UTS2: variants seen among roughly 807,000 people sequenced by gnomAD.
The protein encoded by UTS2 is urotensin 2.
A neutral mutation model predicts 12.6 loss-of-function variants in UTS2; 10 were observed. The ratio of observed to expected loss-of-function variants is 0.80; its 90% CI spans 0.49 to 1.35. The LOEUF (loss-of-function observed/expected upper bound fraction) is 1.35, where lower values mean the gene tolerates loss of function less well. UTS2 is among the 40% of genes most tolerant of loss of function. UTS2 has a pLI of 0.00. For missense variants in UTS2, 142 were observed against 143.2 expected, an observed-to-expected ratio of 0.99 and a Z score of 0.04; for synonymous variants, 52 against 50.0, an observed-to-expected ratio of 1.04 and a Z score of -0.17.
the UTS2 span, among the ~76,000 whole-genome samples, chr1:7,869,202 G>C: frequency 3.3e-5 from 5 of 152,186 alleles, no homozygotes; most frequent in Non-Finnish European, 1.5e-5. Flanking sequence ...ACCTTGATGG[G>C]CCTGCAATGG....
chr1:7,855,181 T>C (rs968208723), upstream of UTS2, among the ~76,000 whole-genome samples: 1 of 151,896 alleles, frequency 6.6e-6, no homozygotes, highest in Non-Finnish European at 1.5e-5. Context: ...AAACAAGTCA[T>C]GATGTATACC....
At chr1:7,851,536 C>T (rs1164684865) in intron 1 of UTS2, among the ~76,000 whole-genome samples, 2 of 152,088 alleles carry the variant, frequency 1.3e-5, no homozygotes, top group African/African-American at 2.4e-5. Context: ...GGAAAGGGCA[C>T]ACCGGAGTGT....
chr1:7,907,434 A>T, the UTS2 span, among the ~76,000 whole-genome samples: 2 of 151,782 alleles, frequency 1.3e-5, no homozygotes, highest in Non-Finnish European at 2.9e-5. Context: ...ATTTCTGAAC[A>T]CAAGGAGTTT....
At chr1:7,854,854 CAATAAT>C (rs140765929), upstream of UTS2, among the ~76,000 whole-genome samples, 342 of 151,514 alleles carry the variant, frequency 2.3e-3, 1 homozygote, top group African/African-American at 7.3e-3. Context: ...AAACTAATAA[CAATAAT>C]AATAATAATA....
At chr1:7,857,724 C>T (rs569012323), upstream of UTS2, among the ~76,000 whole-genome samples, 5 of 151,848 alleles carry the variant, frequency 3.3e-5, no homozygotes, top group African/African-American at 1.2e-4. Context: ...TAGTTGTGCA[C>T]CTGTGGTCTG....
chr1:7,874,732 T>A, the UTS2 span, among the ~76,000 whole-genome samples: 1 of 152,210 alleles, frequency 6.6e-6, no homozygotes, highest in Non-Finnish European at 1.5e-5. Flanking sequence ...AAATCTCATC[T>A]CCAGTTGTAA....
chr1:7,872,319 A>AAG, the UTS2 span, among the ~76,000 whole-genome samples: 4 of 119,782 alleles, frequency 3.3e-5, no homozygotes, highest in Non-Finnish European at 6.8e-5. Flanking sequence ...AAAAAAAAAA[A>AAG]GGAAAAGAAA....
At chr1:7,886,230 C>T in the UTS2 span, among the ~76,000 whole-genome samples, 1 of 152,210 alleles carries the variant, frequency 6.6e-6, no homozygotes, top group East Asian at 1.9e-4. Flanking sequence ...GCACTGCTGG[C>T]TCCAAACCCA....
chr1:7,904,506 G>C, the UTS2 span, among the ~76,000 whole-genome samples: 1 of 151,488 alleles, frequency 6.6e-6, no homozygotes, highest in Non-Finnish European at 1.5e-5. Flanking sequence ...AAAAAGTAAA[G>C]ACGTGTAGTC....
the UTS2 span, among the ~76,000 whole-genome samples, chr1:7,890,728 C>CAA: frequency 0.098 from 10,485 of 107,180 alleles, 959 homozygotes; most frequent in East Asian, 0.38. Context: ...CCCATCTCCA[C>CAA]AAAAAAAAAA....
chr1:7,877,382 T>C, the UTS2 span, among the ~76,000 whole-genome samples: 4 of 152,016 alleles, frequency 2.6e-5, no homozygotes, highest in Non-Finnish European at 5.9e-5. Flanking sequence ...GAATGCGAAA[T>C]TCAACAACAA....
At chr1:7,904,409 T>C in the UTS2 span, among the ~76,000 whole-genome samples, 1 of 151,738 alleles carries the variant, frequency 6.6e-6, no homozygotes, top group Non-Finnish European at 1.5e-5. Context: ...CCTGGGAGGT[T>C]GAGGCTGCAA....
chr1:7,885,454 C>T, the UTS2 span, among the ~76,000 whole-genome samples: 1 of 152,098 alleles, frequency 6.6e-6, no homozygotes, highest in Non-Finnish European at 1.5e-5. Context: ...AGGAGATGGC[C>T]CCGGTATAGG....
chr1:7,895,360 A>G, the UTS2 span, among the ~76,000 whole-genome samples: 1 of 145,552 alleles, frequency 6.9e-6, no homozygotes, highest in East Asian at 2.6e-4. Context: ...TAAGAGCGAG[A>G]CTCCATCCCA....
Position 7,852,890 on chromosome 1 carries a change from A to G in UTS2, c.103+11T>C. 6.2e-6 allele frequency: 10 copies of G among 1,600,252 alleles called. No individual in the cohort carries two copies. The highest frequency in any genetic ancestry group is 8.5e-6 in the Non-Finnish European group (10 of 1,175,822). On this transcript the variant is annotated intron_variant, in intron 1 of 3. Coordinates refer to ENST00000361696, the MANE Select transcript of UTS2 (RefSeq NM_006786.4). ...TTCAAGACTAACATAAGGGGAAAAA[A>G]AAAATCTTACCTGAGAGTTGAAAGG... is the stretch of plus-strand genomic sequence containing the variant.
At position 7,849,635 on chromosome 1, in the gene UTS2, C is replaced by T; in HGVS notation, c.258+5G>A. ...TAAACCTAACTCATAAATAGAGTCA[C>T]TTACCTTTCTCAAATTTCCTCTTGG... On this transcript the variant is annotated splice_donor_5th_base_variant and intron_variant, in intron 3 of 3. Transcript: ENST00000361696. The T allele has an allele frequency of 1.2e-6, 2 of 1,608,224 alleles. No homozygotes were observed. Among genetic ancestry groups the T allele is most frequent in the Non-Finnish European group, 1.7e-6 (2 of 1,178,300 alleles).
At chr1:7,873,573 C>T in the UTS2 span, among the ~76,000 whole-genome samples, 1 of 152,144 alleles carries the variant, frequency 6.6e-6, no homozygotes, top group Non-Finnish European at 1.5e-5. Flanking sequence ...AGCAAAAGAA[C>T]TAGAATTAGA....
chr1:7,872,124 A>G, the UTS2 span, among the ~76,000 whole-genome samples: 5 of 151,652 alleles, frequency 3.3e-5, no homozygotes, highest in African/African-American at 1.2e-4. Context: ...ACATGGTGAA[A>G]CCCCGTCTCT....
chr1:7,860,827 G>T, the UTS2 span, among the ~76,000 whole-genome samples: 1,364 of 152,114 alleles, frequency 9.0e-3, 25 homozygotes, highest in African/African-American at 0.031. Flanking sequence ...AGGATCACTT[G>T]AGATCAGGAG....
Sources: gnomAD v4.1 joint callset for allele counts (sites outside exome capture counted in the v4.1 genomes callset) on GRCh38, gnomAD v4.1.1 for gene constraint, MANE v1.5 for transcripts, NCBI Gene and HGNC (gene_info 2026-07-23, HGNC 2026-07-21) for gene names.